Variants in OTUB1 observed in about 807,000 individuals in gnomAD.
OTUB1 encodes OTU deubiquitinase, ubiquitin aldehyde binding 1, also known as ubiquitin thioesterase OTUB1.
A neutral mutation model predicts 35.8 loss-of-function variants in OTUB1; 10 were observed. The observed-to-expected ratio is 0.28, with a 90% CI of 0.17 to 0.47. OTUB1 has a LOEUF of 0.47. Among genes scored for constraint, OTUB1 ranks in the 20% least tolerant of loss-of-function variants. The pLI is 0.99. For synonymous variants in OTUB1, 158 were observed against 143.8 expected, an observed-to-expected ratio of 1.10 and a Z score of -0.71; for missense variants, 264 against 351.6, an observed-to-expected ratio of 0.75 and a Z score of 1.99.
At position 63,997,361 on chromosome 11, in the gene OTUB1, A is replaced by G. The variant is rs1360892925; in HGVS notation, c.631A>G (p.Met211Val). The G allele has an allele frequency of 6.2e-7, 1 of 1,613,910 alleles. No homozygotes were observed. The highest frequency in any genetic ancestry group is 8.5e-7 in the Non-Finnish European group (1 of 1,179,992). Residue 211 changes from methionine to valine, a missense_variant, in exon 7 of 7, where the codon ATG (methionine) becomes GTG (valine). Met to Val is a conservative substitution (Grantham distance 21, BLOSUM62 1). Around this residue, in one of 2 missense-constraint regions of OTUB1, gnomAD observed 214 missense variants for 317.1 expected, o/e 0.67. Transcript: ENST00000538426. ...KEFCQQEVEPMCKESDHIHII... is the reference protein window; with the variant it reads ...KEFCQQEVEPVCKESDHIHII... ...ACCTGTGCCACAGGAGGTGGAGCCC[A>G]TGTGCAAGGAGAGCGACCACATCCA...
intron 3 of OTUB1, among the ~76,000 whole-genome samples, chr11:63,994,719 G>A (rs1191785802): frequency 6.6e-6 from 1 of 152,218 alleles, no homozygotes; most frequent in African/African-American, 2.4e-5. Context: ...ATCTAGGCAG[G>A]GCCACAGCCA....
At chr11:63,986,960 G>T (rs1338337474) in intron 1 of OTUB1, 1 of 165,892 alleles carries the variant, frequency 6.0e-6, no homozygotes, top group East Asian at 1.7e-4. Context: ...GGTCCGGGCG[G>T]GCCATTCGGG....
chr11:63,997,453 C>T lies in OTUB1; in HGVS notation c.723C>T (p.Gly241=), dbSNP rs771190606. 53 of 1,613,962 alleles carry T rather than the reference C, an allele frequency of 3.3e-5. No individual in the cohort carries two copies. Among genetic ancestry groups the T allele is most frequent in the African/African-American group, 5.3e-5 (4 of 74,920 alleles). The change falls in exon 7 of 7, where the codon GGC becomes GGT. Residue 241 remains glycine, a synonymous_variant. Transcript: ENST00000538426. Reference sequence around the variant, plus strand: ...TGGAGTACATGGACCGCGGCGAGGGCGGCACCACCAATCCGCACATCTTCC... The same window carrying T: ...TGGAGTACATGGACCGCGGCGAGGGTGGCACCACCAATCCGCACATCTTCC... ...IQVEYMDRGE[G]GTTNPHIFPE...
At chr11:63,993,960 C>T (rs1024250787) in intron 3 of OTUB1, among the ~76,000 whole-genome samples, 1 of 152,058 alleles carries the variant, frequency 6.6e-6, no homozygotes, top group African/African-American at 2.4e-5. Context: ...AATCCCGTCT[C>T]TACAAAAAAT....
chr11:63,990,605 T>G (rs374684205), intron 3 of OTUB1: 1 of 136,576 alleles, frequency 7.3e-6, no homozygotes, highest in African/African-American at 3.3e-5. Flanking sequence ...AAAAAATAAA[T>G]AAATAAATAA....
rs1467413457 is a variant in OTUB1, at chr11:63,986,493, C to A, written c.37C>A (p.Pro13Thr). The stretch of plus-strand genomic sequence containing the variant: ...GGAACCTCAGCAGCAGAAGCAGGAG[C>A]CGCTGGGCAGCGACTCCGAAGGTAC... ...AEEPQQQKQE[P>T]LGSDSEGVNC... Residue 13 changes from proline to threonine, a missense_variant, in exon 1 of 7, where the codon CCG (proline) becomes ACG (threonine). Coordinates refer to ENST00000538426, the MANE Select transcript of OTUB1 (RefSeq NM_017670.3). 1.3e-6 allele frequency: 2 copies of A among 1,553,172 alleles called. No individual in the cohort carries two copies. Among genetic ancestry groups the A allele is most frequent in the Admixed American group, 3.9e-5 (2 of 51,300 alleles).
Position 63,988,353 on chromosome 11 carries a change from C to T in OTUB1, c.75C>T (p.Ala25=), listed in dbSNP as rs144215400. The change falls in exon 2 of 7, where the codon GCC becomes GCT. Residue 25 remains alanine (A), a synonymous_variant. Transcript: ENST00000538426. ...TTTTCCCAGGTGTTAACTGTCTGGC[C>T]TATGATGAAGCCATCATGGCTCAGC... ...GSDSEGVNCL[A]YDEAIMAQQD... 2.3e-4 allele frequency: 365 copies of T among 1,553,794 alleles called. 1 individual carries two copies. Among genetic ancestry groups the T allele is most frequent in the Non-Finnish European group, 3.0e-4 (342 of 1,147,936 alleles).
At chr11:63,996,500 T>C in intron 3 of OTUB1, 30 bp from the exon 4 acceptor site, 1 of 1,612,530 alleles carries the variant, frequency 6.2e-7, no homozygotes, top group Non-Finnish European at 8.5e-7. Context: ...GGCCTGATGT[T>C]AACCTGTCGG....
At chr11:63,989,103 T>G (rs905518585) in intron 3 of OTUB1, 1 of 193,656 alleles carries the variant, frequency 5.2e-6, no homozygotes, top group Non-Finnish European at 1.1e-5. Flanking sequence ...GTGGATCCCC[T>G]GAGGTCAGGA....
Position 63,997,646 on chromosome 11 carries a change from C to G in OTUB1, c.*100C>G, listed in dbSNP as rs1942735735. On this transcript the variant is annotated 3_prime_UTR_variant, in exon 7 of 7. Coordinates refer to ENST00000538426, the MANE Select transcript of OTUB1 (RefSeq NM_017670.3). ...GTTGTAAATGGTCCTATTTCACCCC[C>G]TTCTTCCTGTCACATGACCCCCCCC... is the stretch of plus-strand genomic sequence containing the variant. The G allele has an allele frequency of 2.0e-6, 2 of 998,176 alleles. No individual in the cohort carries two copies. Among genetic ancestry groups the G allele is most frequent in the Non-Finnish European group, 3.1e-6 (2 of 640,962 alleles). 61.8% of individuals were successfully genotyped at this position (998,176 alleles called of 1,614,324 possible).
At position 63,997,040 on chromosome 11, in the gene OTUB1, G is replaced by T; in HGVS notation, c.424-10G>T. ...CCGTCATCTTGCCCTTTCTCCCTCC[G>T]TGGCTGCAGTTCATGGACCTGATTG... is the stretch of plus-strand genomic sequence containing the variant. On this transcript the variant is annotated splice_polypyrimidine_tract_variant and intron_variant, in intron 5 of 6. Transcript: ENST00000538426. 2.5e-6 allele frequency: 4 copies of T among 1,612,874 alleles called. No individual in the cohort carries two copies. Among genetic ancestry groups the T allele is most frequent in the Non-Finnish European group, 3.4e-6 (4 of 1,178,998 alleles).
Position 63,987,669 on chromosome 11 carries a change from G to C in OTUB1, c.59-668G>C, listed in dbSNP as rs541727462. ...TGACCTTGAGCAGATTGCTTCACCT[G>C]TCTGCAGTTGTTTTGTTAATTGTAA... On this transcript the variant is annotated intron_variant, in intron 1 of 6. Coordinates refer to ENST00000538426, the MANE Select transcript of OTUB1 (RefSeq NM_017670.3). Among the ~76,000 whole-genome samples the C allele has an allele frequency of 3.3e-5, 5 of 152,326 alleles. No individual in the cohort carries two copies. The South Asian group carries it at 1.0e-3, about 32-fold the overall frequency.
intron 1 of OTUB1, chr11:63,987,130 ACT>A (rs1942629045): frequency 1.3e-5 from 2 of 152,124 alleles, no homozygotes; most frequent in African/African-American, 2.4e-5. Context: ...AAATGGTCCC[ACT>A]CTGTCTTTTC....
intron 3 of OTUB1, among the ~76,000 whole-genome samples, chr11:63,993,877 G>A (rs761143124): frequency 2.0e-5 from 3 of 151,434 alleles, no homozygotes; most frequent in Non-Finnish European, 2.9e-5. Flanking sequence ...GGCCGGGTGC[G>A]GCACTTTGGG....
Position 63,998,105 on chromosome 11 carries a change from G to GATTTTTTA in OTUB1, c.*560_*561insTTTTTTAA. On this transcript the variant is annotated 3_prime_UTR_variant, in exon 7 of 7. Coordinates refer to ENST00000538426, the MANE Select transcript of OTUB1 (RefSeq NM_017670.3). ...GGCTGGACCCGGCTCAGGGCAGGTGGAGGAGCTGGGCCTCCCACAGGGTGC... is the reference window on the plus strand; with the variant it reads ...GGCTGGACCCGGCTCAGGGCAGGTGGATTTTTTAAGGAGCTGGGCCTCCCACAGGGTGC... The GATTTTTTA allele has an allele frequency of 8.6e-6, 3 of 347,702 alleles. No homozygotes were observed. In the South Asian group the frequency reaches 9.1e-5, roughly 11 times the overall value. The allele number at this position is 347,702 out of a possible 1,614,324, so 21.5% of individuals were successfully genotyped here. A position where few individuals can be genotyped will look rare whatever the true frequency, so the allele number is the denominator to read the frequency against.
At chr11:63,988,424 G>T in intron 2 of OTUB1, 26 bp downstream of exon 2, 2 of 1,550,548 alleles carry the variant, frequency 1.3e-6, no homozygotes, top group South Asian at 2.4e-5. Context: ...GGGCGAGGGA[G>T]GCAGTGGCCA....
intron 3 of OTUB1, among the ~76,000 whole-genome samples, chr11:63,995,233 G>A (rs1942706052): frequency 6.6e-6 from 1 of 152,152 alleles, no homozygotes; most frequent in Non-Finnish European, 1.5e-5. Flanking sequence ...GTTTTGCTCT[G>A]TTGCCCAGGC....
At position 63,997,578 on chromosome 11, in the gene OTUB1, C is replaced by T; in HGVS notation, c.*32C>T. The stretch of plus-strand genomic sequence containing the variant: ...CTCCAGCCCGCTGCTGCCCTGCTGC[C>T]CCCCTCTGCCAGGCGCTAGACATGT... On this transcript the variant is annotated 3_prime_UTR_variant, in exon 7 of 7. Transcript: ENST00000538426. 1 of 1,583,986 alleles carries T rather than the reference C, an allele frequency of 6.3e-7. No homozygotes were observed. Among genetic ancestry groups the T allele is most frequent in the Non-Finnish European group, 8.7e-7 (1 of 1,153,964 alleles).
intron 3 of OTUB1, among the ~76,000 whole-genome samples, chr11:63,995,615 A>C (rs1337249695): frequency 6.9e-6 from 1 of 145,402 alleles, no homozygotes; most frequent in Non-Finnish European, 1.5e-5. Flanking sequence ...GGTGTGAGCC[A>C]TGGCGCCCAG....
Sources: gnomAD v4.1 joint callset for allele counts (sites outside exome capture counted in the v4.1 genomes callset) on GRCh38, gnomAD v4.1.1 for gene constraint, gnomAD v4.1.1 regional missense constraint, MANE v1.5 for transcripts, NCBI Gene and HGNC (gene_info 2026-07-23, HGNC 2026-07-21) for gene names.